The following RBPJ variants were observed in gnomAD, a reference collection of about 807,000 sequenced individuals.
RBPJ encodes the protein recombination signal binding protein for immunoglobulin kappa J region.
In RBPJ, 9 loss-of-function variants were observed where a neutral mutation model predicts 67.8. The ratio of observed to expected loss-of-function variants is 0.13; its 90% CI spans 0.08 to 0.23. The LOEUF (loss-of-function observed/expected upper bound fraction) is 0.23. Among genes scored for constraint, RBPJ ranks in the 10% least tolerant of loss-of-function variants. The pLI is 1.00. For missense variants in RBPJ, 305 were observed against 595.6 expected (o/e 0.51, Z 5.08); for synonymous variants, 198 against 203.3 (o/e 0.97, Z 0.22).
the RBPJ span, among the ~76,000 whole-genome samples, chr4:26,118,187 C>T: frequency 6.6e-6 from 1 of 152,088 alleles, no homozygotes; most frequent in Non-Finnish European, 1.5e-5. Context: ...TGAGCTGGAC[C>T]TGGAAGACAG....
chr4:26,320,706 C>A (rs1342070082), upstream of RBPJ: 10 of 1,539,236 alleles, frequency 6.5e-6, no homozygotes, highest in South Asian at 1.1e-4. Flanking sequence ...TCAGTCTCCA[C>A]GTACGTCCCT....
rs576788224 is a variant in RBPJ, at chr4:26,165,969, T to C, written c.-167+2355T>C. Among the ~76,000 whole-genome samples, 18 of 151,612 alleles carry C rather than the reference T, an allele frequency of 1.2e-4. 1 individual carries two copies. The South Asian group carries it at 2.3e-3, about 19-fold the overall frequency. Reference sequence around the variant, plus strand: ...TCTGTGAGTGAGAACATGCGGTGTTTGGTTTTTTTGTCCTTGCGATAGTAT... The same window carrying C: ...TCTGTGAGTGAGAACATGCGGTGTTCGGTTTTTTTGTCCTTGCGATAGTAT... On this transcript the variant is annotated intron_variant, in intron 1 of 4. Transcript: ENST00000512351.
chr4:26,185,613 G>C (rs1327703903), intron 1 of RBPJ, among the ~76,000 whole-genome samples: 1 of 152,092 alleles, frequency 6.6e-6, no homozygotes, highest in Non-Finnish European at 1.5e-5. Context: ...TCTGAATAAG[G>C]CATTTGTATG....
At chr4:26,236,916 G>A (rs1357010555) in intron 1 of RBPJ, among the ~76,000 whole-genome samples, 4 of 152,158 alleles carry the variant, frequency 2.6e-5, no homozygotes, top group Admixed American at 6.5e-5. Flanking sequence ...TGATTCTGAT[G>A]TCTACTCTGA....
At position 26,239,246 on chromosome 4, in the gene RBPJ, C is replaced by T. The variant is rs554008603; in HGVS notation, c.-167+75632C>T. Among the ~76,000 whole-genome samples the T allele has an allele frequency of 2.0e-5, 3 of 152,300 alleles. No individual in the cohort carries two copies. The East Asian group carries it at 5.8e-4, about 29-fold the overall frequency. ...TCGGGTTTTGTATCCCAGCCAAGTG[C>T]TTTTCATATTTTCCAGATCACTCAA... On this transcript the variant is annotated intron_variant, in intron 1 of 4. Coordinates refer to the RBPJ transcript ENST00000512351.
At chr4:26,350,764 T>G (rs1467956775) in intron 1 of RBPJ, among the ~76,000 whole-genome samples, 1 of 152,208 alleles carries the variant, frequency 6.6e-6, no homozygotes, top group Non-Finnish European at 1.5e-5. Context: ...GATGATTCCC[T>G]GGTTTTTGGC....
At chr4:26,245,862 T>C (rs180959732) in intron 1 of RBPJ, among the ~76,000 whole-genome samples, 28 of 152,324 alleles carry the variant, frequency 1.8e-4, no homozygotes, top group African/African-American at 6.7e-4. Context: ...TTGTTGAAAA[T>C]CAATCAACTG....
At chr4:26,388,169 T>G (rs1030208193) in intron 2 of RBPJ, among the ~76,000 whole-genome samples, 1 of 151,886 alleles carries the variant, frequency 6.6e-6, no homozygotes, top group African/African-American at 2.4e-5. Flanking sequence ...AATTTTTTTT[T>G]GTTTTTTTGT....
intron 1 of RBPJ, among the ~76,000 whole-genome samples, chr4:26,313,491 C>T (rs1040078126): frequency 3.3e-5 from 5 of 151,958 alleles, no homozygotes; most frequent in East Asian, 1.9e-4. Flanking sequence ...CACAGTGAAA[C>T]CCCGTCTCTA....
At chr4:26,293,210 C>T (rs560712660) in intron 1 of RBPJ, among the ~76,000 whole-genome samples, 2 of 150,732 alleles carry the variant, frequency 1.3e-5, no homozygotes, top group South Asian at 2.1e-4. Context: ...CCCTTTTCTT[C>T]CTCAGCTGCA....
At chr4:26,200,627 C>G (rs1218851286) in intron 1 of RBPJ, among the ~76,000 whole-genome samples, 1 of 150,476 alleles carries the variant, frequency 6.6e-6, no homozygotes, top group East Asian at 2.0e-4. Context: ...GCCGTGACTG[C>G]ATCACTGCAC....
chr4:26,126,577 A>G, the RBPJ span, among the ~76,000 whole-genome samples: 1 of 152,220 alleles, frequency 6.6e-6, no homozygotes, highest in Admixed American at 6.5e-5. Flanking sequence ...TCATTATGAT[A>G]CTGGTGGCAG....
chr4:26,421,768 A>G (rs569691289), intron 5 of RBPJ, among the ~76,000 whole-genome samples: 1 of 152,206 alleles, frequency 6.6e-6, no homozygotes, highest in Non-Finnish European at 1.5e-5. Context: ...AATTTCTGCA[A>G]TAGTGACTAA....
intron 1 of RBPJ, among the ~76,000 whole-genome samples, chr4:26,198,688 C>A (rs1415290909): frequency 2.6e-5 from 4 of 152,210 alleles, no homozygotes; most frequent in Non-Finnish European, 4.4e-5. Context: ...CATTTCCCAA[C>A]AGTGAGAGAG....
At chr4:26,280,597 A>G (rs554035319) in intron 1 of RBPJ, among the ~76,000 whole-genome samples, 1 of 152,294 alleles carries the variant, frequency 6.6e-6, no homozygotes, top group South Asian at 2.1e-4. Context: ...TATTATTAAA[A>G]GCAAATGGCT....
chr4:26,288,402 T>C (rs905654192), intron 1 of RBPJ, among the ~76,000 whole-genome samples: 2 of 152,214 alleles, frequency 1.3e-5, no homozygotes, highest in Non-Finnish European at 2.9e-5. Flanking sequence ...GCAGAGCTGT[T>C]TGAGTGCCCC....
the RBPJ span, among the ~76,000 whole-genome samples, chr4:26,154,834 C>T: frequency 6.6e-6 from 1 of 152,160 alleles, no homozygotes; most frequent in Non-Finnish European, 1.5e-5. Context: ...AGGTGCCAGG[C>T]TCCTTTTAAA....
intron 1 of RBPJ, among the ~76,000 whole-genome samples, chr4:26,378,402 C>A (rs896829743): frequency 3.3e-5 from 5 of 152,088 alleles, no homozygotes; most frequent in African/African-American, 1.2e-4. Context: ...TTAAGGCTTT[C>A]ATATGAGAAG....
At chr4:26,321,230 C>G (rs971040722) in intron 1 of RBPJ, 182 bp downstream of exon 1, 4 of 159,894 alleles carry the variant, frequency 2.5e-5, no homozygotes, top group South Asian at 1.7e-4. Context: ...TCTGCGCTGC[C>G]GTGGCTCAGG....
Sources: gnomAD v4.1 joint callset for allele counts (sites outside exome capture counted in the v4.1 genomes callset) on GRCh38, gnomAD v4.1.1 for gene constraint, MANE v1.5 for transcripts, NCBI Gene and HGNC (gene_info 2026-07-23, HGNC 2026-07-21) for gene names.